The following CYP4X1 variants were observed in gnomAD, a reference collection of about 807,000 sequenced individuals.
CYP4X1 encodes the protein cytochrome P450 4X1.
Under a neutral mutation model 57.9 loss-of-function variants are expected in CYP4X1, and 44 were observed. The ratio of observed to expected loss-of-function variants is 0.76; its 90% confidence interval spans 0.60 to 0.98. The LOEUF (loss-of-function observed/expected upper bound fraction) is 0.98, where lower values mean the gene tolerates loss of function less well. Ranked by LOEUF, CYP4X1 falls within the 50% of genes least tolerant of loss-of-function variation. CYP4X1 has a pLI of 0.00. For synonymous variants in CYP4X1, 227 were observed against 228.6 expected (o/e 0.99, Z 0.06); for missense variants, 532 against 623.9 (o/e 0.85, Z 1.57).
chr1:47,026,069 A>G (rs1446674607), intron 1 of CYP4X1, among the ~76,000 whole-genome samples: 1 of 152,198 alleles, frequency 6.6e-6, no homozygotes, highest in African/African-American at 2.4e-5. Context: ...GAGTAGAAGG[A>G]TGGTTACCAA....
At chr1:47,034,653 C>T (rs1644160456) in intron 4 of CYP4X1, among the ~76,000 whole-genome samples, 1 of 152,104 alleles carries the variant, frequency 6.6e-6, no homozygotes, top group Non-Finnish European at 1.5e-5. Context: ...TGTGAGTTCT[C>T]AAGGCAGAGA....
chr1:47,007,766 A>T, the CYP4X1 span, among the ~76,000 whole-genome samples: 2 of 152,242 alleles, frequency 1.3e-5, no homozygotes, highest in African/African-American at 4.8e-5. Flanking sequence ...ATGGCACGAG[A>T]ACTACGTGAT....
chr1:47,009,051 C>A, the CYP4X1 span, among the ~76,000 whole-genome samples: 2 of 152,204 alleles, frequency 1.3e-5, no homozygotes, highest in Admixed American at 1.3e-4. Context: ...TTGAACTCAG[C>A]TCTGCACCAA....
chr1:47,037,898 C>T (rs1557606773), intron 6 of CYP4X1, among the ~76,000 whole-genome samples: 1 of 152,090 alleles, frequency 6.6e-6, no homozygotes, highest in African/African-American at 2.4e-5. Context: ...CCAGTTGTCC[C>T]ATCACCATTA....
the CYP4X1 span, among the ~76,000 whole-genome samples, chr1:47,015,089 TTTTACCATAACACTGC>T: frequency 2.6e-5 from 4 of 152,148 alleles, no homozygotes; most frequent in African/African-American, 9.7e-5. Flanking sequence ...CATGAATCCG[TTTTACCATAACACTGC>T]TTTCCATATC....
chr1:47,010,482 TC>T, the CYP4X1 span, among the ~76,000 whole-genome samples: 1 of 152,108 alleles, frequency 6.6e-6, no homozygotes, highest in Admixed American at 6.5e-5. Context: ...CTGGAAGCAC[TC>T]CCTTTGAAAA....
At position 47,033,319 on chromosome 1, in the gene CYP4X1, T is replaced by A; in HGVS notation, c.443T>A (p.Ile148Asn). Residue 148 changes from isoleucine (I) to asparagine (N), a missense_variant, in exon 4 of 12, where the codon ATC (isoleucine) becomes AAC (asparagine). Ile to Asn is a moderately radical substitution (Grantham distance 149, BLOSUM62 -3). Transcript: ENST00000371901. The stretch of plus-strand genomic sequence containing the variant: ...CTAACTCCTGGATTCCATTTTAACA[T>A]CCTGAAAGCATACATTGAGGTGATG... The part of the protein sequence containing the change: ...RLLTPGFHFN[I>N]LKAYIEVMAH... 1 of 1,613,816 alleles carries A rather than the reference T, an allele frequency of 6.2e-7. No individual in the cohort carries two copies. Among genetic ancestry groups the A allele is most frequent in the Non-Finnish European group, 8.5e-7 (1 of 1,179,824 alleles).
chr1:46,998,060 TG>T, the CYP4X1 span, among the ~76,000 whole-genome samples: 1 of 152,122 alleles, frequency 6.6e-6, no homozygotes, highest in Non-Finnish European at 1.5e-5. Flanking sequence ...TGAAAGGAGG[TG>T]TTTTTTATTA....
At chr1:46,997,846 G>A in the CYP4X1 span, among the ~76,000 whole-genome samples, 1 of 151,964 alleles carries the variant, frequency 6.6e-6, no homozygotes, top group African/African-American at 2.4e-5. Context: ...CCTTTTCTAC[G>A]TATCTTTGCC....
the CYP4X1 span, among the ~76,000 whole-genome samples, chr1:46,971,574 G>C: frequency 3.3e-4 from 50 of 152,142 alleles, no homozygotes; most frequent in Admixed American, 5.2e-4. Flanking sequence ...CTGCAAACTT[G>C]CCACCATCTG....
the CYP4X1 span, among the ~76,000 whole-genome samples, chr1:46,973,332 T>A: frequency 6.6e-6 from 1 of 152,180 alleles, no homozygotes; most frequent in African/African-American, 2.4e-5. Context: ...AGTTTGCTAA[T>A]ATTTTTTTGA....
downstream of CYP4X1, among the ~76,000 whole-genome samples, chr1:47,052,200 G>T (rs1644363896): frequency 6.6e-6 from 1 of 151,952 alleles, no homozygotes; most frequent in South Asian, 2.1e-4. Flanking sequence ...AAAGAGGTCT[G>T]TTAAATTTCC....
rs543761826 is a variant in CYP4X1, at chr1:47,037,159, T to TA, written c.775+997dup. Among the ~76,000 whole-genome samples the TA allele has an allele frequency of 2.4e-3, 370 of 151,124 alleles. 1 individual carries two copies. The highest frequency in any genetic ancestry group is 3.3e-3 in the Non-Finnish European group (226 of 67,740). The stretch of plus-strand genomic sequence containing the variant: ...TTGGGGGAAGCTATACAGAACTTTG[T>TA]AAAAAAAAATCTTTACTTTTTAAAT... On this transcript the variant is annotated intron_variant, in intron 6 of 11. Coordinates refer to ENST00000371901, the MANE Select transcript of CYP4X1 (RefSeq NM_178033.2).
At chr1:46,961,563 G>C in the CYP4X1 span, 1 of 1,229,190 alleles carries the variant, frequency 8.1e-7, no homozygotes, top group Non-Finnish European at 1.0e-6. Context: ...TGCTCTTCCT[G>C]AGAACAAAGG....
chr1:47,044,114 C>A (rs1202279945), intron 8 of CYP4X1, among the ~76,000 whole-genome samples: 1 of 152,180 alleles, frequency 6.6e-6, no homozygotes, highest in Non-Finnish European at 1.5e-5. Flanking sequence ...CAAGGACTTA[C>A]TACTGCCATT....
chr1:47,028,360 A>G (rs946102223), intron 1 of CYP4X1, among the ~76,000 whole-genome samples: 1 of 152,168 alleles, frequency 6.6e-6, no homozygotes, highest in African/African-American at 2.4e-5. Context: ...CTCATCTCTA[A>G]AGTAGGGATT....
chr1:47,023,261 T>G (rs1644018433), upstream of CYP4X1, among the ~76,000 whole-genome samples: 1 of 152,182 alleles, frequency 6.6e-6, no homozygotes, highest in Admixed American at 6.5e-5. Flanking sequence ...TGCCCTCGTA[T>G]CGGCAGCTTG....
chr1:46,975,458 G>T, the CYP4X1 span, among the ~76,000 whole-genome samples: 4 of 151,388 alleles, frequency 2.6e-5, no homozygotes, highest in African/African-American at 9.8e-5. Context: ...TCTTGGTTGG[G>T]ATTTCTTTTC....
the CYP4X1 span, among the ~76,000 whole-genome samples, chr1:46,987,174 G>C: frequency 6.6e-6 from 1 of 151,988 alleles, no homozygotes; most frequent in Non-Finnish European, 1.5e-5. Flanking sequence ...ATAAATAAAG[G>C]GATGGAGGAA....
Sources: gnomAD v4.1 joint callset for allele counts (sites outside exome capture counted in the v4.1 genomes callset) on GRCh38, gnomAD v4.1.1 for gene constraint, MANE v1.5 for transcripts, NCBI Gene and HGNC (gene_info 2026-07-23, HGNC 2026-07-21) for gene names.